MAF: variants seen among roughly 807,000 people sequenced by gnomAD.
The protein encoded by MAF is transcription factor Maf.
Under a neutral mutation model 22.0 loss-of-function variants are expected in MAF, and 10 were observed. The ratio of observed to expected loss-of-function variants is 0.45; its 90% CI spans 0.28 to 0.77. MAF has a LOEUF of 0.77. Ranked by LOEUF, MAF falls within the 30% of genes least tolerant of loss-of-function variation. The pLI, the probability that MAF is intolerant of heterozygous loss-of-function variation, is 0.12. For missense variants in MAF, 544 were observed against 548.4 expected (o/e 0.99, Z 0.08); for synonymous variants, 337 against 255.8 (o/e 1.32, Z -3.03).
At chr16:79,286,608 C>A in the MAF span, among the ~76,000 whole-genome samples, 1 of 152,194 alleles carries the variant, frequency 6.6e-6, no homozygotes, top group African/African-American at 2.4e-5. Flanking sequence ...TCAGCATAGG[C>A]AAAGACACAT....
the MAF span, among the ~76,000 whole-genome samples, chr16:79,270,897 A>C: frequency 1.7e-5 from 1 of 60,592 alleles, no homozygotes; most frequent in East Asian, 9.3e-4. Flanking sequence ...AGACATGGCC[A>C]GAGTTTTTTT....
chr16:79,509,853 G>A, the MAF span, among the ~76,000 whole-genome samples: 1 of 152,142 alleles, frequency 6.6e-6, no homozygotes, highest in African/African-American at 2.4e-5. Flanking sequence ...TGTGTCTACT[G>A]GTGAGAATTA....
At chr16:79,423,618 T>C in the MAF span, among the ~76,000 whole-genome samples, 1 of 152,214 alleles carries the variant, frequency 6.6e-6, no homozygotes, top group East Asian at 1.9e-4. Context: ...AGTGTTATAA[T>C]AGCAGAATTA....
At chr16:79,319,030 G>A in the MAF span, among the ~76,000 whole-genome samples, 2 of 151,994 alleles carry the variant, frequency 1.3e-5, no homozygotes, top group African/African-American at 4.8e-5. Context: ...AAGGAAAACC[G>A]GAAAATTCAC....
the MAF span, among the ~76,000 whole-genome samples, chr16:79,475,949 T>C: frequency 2.0e-4 from 30 of 152,236 alleles, no homozygotes; most frequent in Admixed American, 1.0e-3. Flanking sequence ...TATGTTACAT[T>C]AGATAGAAAA....
At chr16:79,511,336 G>C in the MAF span, among the ~76,000 whole-genome samples, 24 of 152,124 alleles carry the variant, frequency 1.6e-4, no homozygotes, top group African/African-American at 5.6e-4. Context: ...ACTAGTATTT[G>C]TGTGTATGTG....
chr16:79,455,032 G>A, the MAF span, among the ~76,000 whole-genome samples: 1 of 151,676 alleles, frequency 6.6e-6, no homozygotes, highest in Non-Finnish European at 1.5e-5. Flanking sequence ...GGAGGTGGAG[G>A]TTGCTGTGAG....
chr16:79,303,912 A>G, the MAF span, among the ~76,000 whole-genome samples: 1 of 152,184 alleles, frequency 6.6e-6, no homozygotes, highest in Non-Finnish European at 1.5e-5. Flanking sequence ...TGCGGGGAGA[A>G]AAAAAAGAGA....
the MAF span, among the ~76,000 whole-genome samples, chr16:79,469,409 A>G: frequency 6.6e-6 from 1 of 152,124 alleles, no homozygotes; most frequent in Non-Finnish European, 1.5e-5. Flanking sequence ...TCTCCCGCCT[A>G]TTACCTGGGT....
chr16:79,245,567 G>A, the MAF span, among the ~76,000 whole-genome samples: 1 of 152,024 alleles, frequency 6.6e-6, no homozygotes, highest in Non-Finnish European at 1.5e-5. Context: ...ACAGATGCTG[G>A]AGAGGATGTG....
At chr16:79,227,075 G>A in the MAF span, among the ~76,000 whole-genome samples, 1 of 151,998 alleles carries the variant, frequency 6.6e-6, no homozygotes, top group African/African-American at 2.4e-5. Flanking sequence ...AACTGGCTGG[G>A]CCAGTTAATC....
At chr16:79,241,157 C>A in the MAF span, among the ~76,000 whole-genome samples, 1 of 151,974 alleles carries the variant, frequency 6.6e-6, no homozygotes, top group Non-Finnish European at 1.5e-5. Context: ...ACAACTCTTC[C>A]CCAGCAAGGG....
the MAF span, among the ~76,000 whole-genome samples, chr16:79,506,072 G>A: frequency 6.6e-6 from 1 of 152,150 alleles, no homozygotes; most frequent in Non-Finnish European, 1.5e-5. Context: ...CTATAAGGAA[G>A]GATGTCTCTC....
chr16:79,330,129 G>A, the MAF span, among the ~76,000 whole-genome samples: 1 of 152,136 alleles, frequency 6.6e-6, no homozygotes, highest in Non-Finnish European at 1.5e-5. Context: ...GGGCTGCAAA[G>A]GCTCTCATCC....
the MAF span, among the ~76,000 whole-genome samples, chr16:79,533,245 G>C: frequency 2.0e-5 from 3 of 152,150 alleles, no homozygotes; most frequent in African/African-American, 7.2e-5. Flanking sequence ...AAAGGGGGCA[G>C]AGGGATGGTC....
intron 1 of MAF, among the ~76,000 whole-genome samples, chr16:79,586,921 T>C (rs1409520693): frequency 6.6e-6 from 1 of 152,238 alleles, no homozygotes; most frequent in Non-Finnish European, 1.5e-5. Context: ...AACATGGATA[T>C]TCAGTTATTT....
At chr16:79,512,278 T>C in the MAF span, among the ~76,000 whole-genome samples, 1 of 152,182 alleles carries the variant, frequency 6.6e-6, no homozygotes, top group African/African-American at 2.4e-5. Flanking sequence ...AGAGCCCCTT[T>C]CAATTTCTCA....
At chr16:79,214,684 T>G in the MAF span, among the ~76,000 whole-genome samples, 1 of 142,082 alleles carries the variant, frequency 7.0e-6, no homozygotes, top group Non-Finnish European at 1.5e-5. Flanking sequence ...GGATTACAGG[T>G]GTGAGCCACT....
the MAF span, among the ~76,000 whole-genome samples, chr16:79,574,395 C>A: frequency 6.6e-6 from 1 of 152,166 alleles, no homozygotes; most frequent in South Asian, 2.1e-4. Context: ...GGAATACCTC[C>A]ATCCTTGTGA....
Sources: allele counts gnomAD v4.1 joint callset (sites outside exome capture counted in the v4.1 genomes callset), GRCh38; gene constraint gnomAD v4.1.1; transcripts MANE v1.5; gene names NCBI Gene and HGNC (gene_info 2026-07-23, HGNC 2026-07-21).